Variants in GPATCH2 observed in about 807,000 individuals in gnomAD.
The protein encoded by GPATCH2 is G patch domain-containing protein 2.
Under a neutral mutation model 58.0 loss-of-function variants are expected in GPATCH2, and 51 were observed. The observed-to-expected ratio is 0.88, with a 90% CI of 0.70 to 1.11. GPATCH2 has a LOEUF of 1.11. GPATCH2 is among the 50% of genes most tolerant of loss of function. The probability of loss-of-function intolerance (pLI) is 0.00; values close to 1 mark genes in which losing one functional copy is unlikely to be tolerated. For synonymous variants in GPATCH2, 222 were observed against 218.5 expected, an observed-to-expected ratio of 1.02 and a Z score of -0.14; for missense variants, 625 against 652.2, an observed-to-expected ratio of 0.96 and a Z score of 0.45.
rs1659545190 is a variant in GPATCH2 at position 217,449,285 on chromosome 1, T to C, written c.1330A>G (p.Arg444Gly). Reference protein sequence around the residue: ...SLCTGDIKRRRKAAPLPGPTT... With the variant: ...SLCTGDIKRRGKAAPLPGPTT... The stretch of plus-strand genomic sequence containing the variant: ...GGTCCAGGCAAAGGTGCAGCTTTTC[T>C]TCTCCGTTTGATATCTCCCGTGCAT... The change falls in exon 9 of 10, where the codon AGA (arginine) becomes GGA (glycine). Residue 444 changes from arginine (R) to glycine (G), a missense_variant. Transcript: ENST00000366935. 1 of 1,610,124 alleles carries C rather than the reference T, an allele frequency of 6.2e-7. No individual in the cohort carries two copies. Among genetic ancestry groups the C allele is most frequent in the Admixed American group, 1.7e-5 (1 of 60,004 alleles).
intron 5 of GPATCH2, among the ~76,000 whole-genome samples, chr1:217,532,277 A>T (rs1442451029): frequency 6.6e-6 from 1 of 152,072 alleles, no homozygotes; most frequent in Non-Finnish European, 1.5e-5. Flanking sequence ...GAAGCTGCAT[A>T]TTAAATATTT....
chr1:217,460,116 G>T (rs933598688), intron 8 of GPATCH2, among the ~76,000 whole-genome samples: 1 of 152,000 alleles, frequency 6.6e-6, no homozygotes, highest in African/African-American at 2.4e-5. Context: ...TATATAAAAG[G>T]TATTATGCCA....
intron 5 of GPATCH2, among the ~76,000 whole-genome samples, chr1:217,593,569 C>T (rs1320248606): frequency 1.3e-5 from 2 of 151,940 alleles, no homozygotes; most frequent in African/African-American, 4.8e-5. Context: ...TTCCTAAATC[C>T]AATTCCTGCT....
chr1:217,445,420 C>T (rs990505288), intron 9 of GPATCH2, among the ~76,000 whole-genome samples: 11 of 152,142 alleles, frequency 7.2e-5, no homozygotes, highest in African/African-American at 2.7e-4. Flanking sequence ...ACCAACATTG[C>T]TAACGCCTTT....
intron 5 of GPATCH2, among the ~76,000 whole-genome samples, chr1:217,593,489 C>CTA (rs1446030202): frequency 6.6e-6 from 1 of 151,944 alleles, no homozygotes; most frequent in Non-Finnish European, 1.5e-5. Flanking sequence ...GCACTGTGAA[C>CTA]TATATATCTA....
At chr1:217,597,605 C>T (rs546569911) in intron 5 of GPATCH2, among the ~76,000 whole-genome samples, 59 of 152,238 alleles carry the variant, frequency 3.9e-4, no homozygotes, top group African/African-American at 1.4e-3. Context: ...ATTACAACTT[C>T]TACCCTATAT....
At position 217,631,051 on chromosome 1, in the gene GPATCH2, G is replaced by A. The variant is rs1015431009; in HGVS notation, c.-80C>T. On this transcript the variant is annotated 5_prime_UTR_variant, in exon 1 of 10. Coordinates refer to ENST00000366935, the MANE Select transcript of GPATCH2 (RefSeq NM_018040.5). Reference sequence around the variant, plus strand: ...TACAACAGCACCGGCGACTTCCAAAGAGCAGTTCAGCATTTTGAGATGAGC... The same window carrying A: ...TACAACAGCACCGGCGACTTCCAAAAAGCAGTTCAGCATTTTGAGATGAGC... 1.4e-4 allele frequency: 184 copies of A among 1,343,378 alleles called. No homozygotes were observed. The highest frequency in any genetic ancestry group is 1.7e-4 in the Non-Finnish European group (166 of 973,654). The allele number at this position is 1,343,378 out of a possible 1,614,324, so 83.2% of individuals were successfully genotyped here.
chr1:217,456,004 A>G (rs1033899505), intron 8 of GPATCH2, among the ~76,000 whole-genome samples: 2 of 152,032 alleles, frequency 1.3e-5, no homozygotes, highest in Admixed American at 6.5e-5. Context: ...GGGGAAGACC[A>G]TCTTCCCACT....
chr1:217,570,141 C>T (rs1370176896), intron 5 of GPATCH2, among the ~76,000 whole-genome samples: 1 of 152,008 alleles, frequency 6.6e-6, no homozygotes, highest in East Asian at 1.9e-4. Context: ...GAGACAGTCT[C>T]GCTCATGTTG....
At position 217,449,354 on chromosome 1, in the gene GPATCH2, G is replaced by C. The variant is rs769965071; in HGVS notation, c.1278-17C>G. 7.0e-7 allele frequency: 1 copy of C among 1,436,900 alleles called. No individual in the cohort carries two copies. Among genetic ancestry groups the C allele is most frequent in the Non-Finnish European group, 9.8e-7 (1 of 1,019,734 alleles). 89.0% of individuals were successfully genotyped at this position (1,436,900 alleles called of 1,614,324 possible). ...CTTGTTTGCCTACGAATAATTATCA[G>C]AAAAAACTATTAACAAAGAAGAAAA... On this transcript the variant is annotated splice_polypyrimidine_tract_variant and intron_variant, in intron 8 of 9. Transcript: ENST00000366935.
rs771238450 is a variant in GPATCH2 at position 217,610,885 on chromosome 1, T to G, written c.1018+4A>C. ...ATATCTACCAGGGAGCCAGTGCTAC[T>G]GACCTCTTCTGCTTGGGTGTGACAT... On this transcript the variant is annotated splice_donor_region_variant and intron_variant, in intron 4 of 9. Transcript: ENST00000366935. 3 of 1,601,920 alleles carry G rather than the reference T, an allele frequency of 1.9e-6. No homozygotes were observed. In the South Asian group the frequency reaches 3.3e-5, roughly 18 times the overall value.
intron 1 of GPATCH2, among the ~76,000 whole-genome samples, chr1:217,626,007 C>T (rs1230317725): frequency 6.6e-6 from 1 of 152,026 alleles, no homozygotes; most frequent in Non-Finnish European, 1.5e-5. Flanking sequence ...GGATAGAACT[C>T]AAGGATAACT....
intron 5 of GPATCH2, among the ~76,000 whole-genome samples, chr1:217,523,976 G>T (rs1394878356): frequency 7.2e-6 from 1 of 139,736 alleles, no homozygotes; most frequent in African/African-American, 2.6e-5. Flanking sequence ...CCTCCCGGAC[G>T]GGGCGGCTGG....
chr1:217,568,729 G>A (rs969607059), intron 5 of GPATCH2, among the ~76,000 whole-genome samples: 2 of 152,140 alleles, frequency 1.3e-5, no homozygotes, highest in African/African-American at 2.4e-5. Flanking sequence ...TTTGATATAG[G>A]GTCTTGTCTT....
chr1:217,432,422 C>A (rs953816524), intron 9 of GPATCH2, among the ~76,000 whole-genome samples: 4 of 151,968 alleles, frequency 2.6e-5, no homozygotes, highest in African/African-American at 9.7e-5. Flanking sequence ...TATCTGAAAT[C>A]CAAGGATGGA....
At chr1:217,628,250 T>A (rs894536685) in intron 1 of GPATCH2, among the ~76,000 whole-genome samples, 2 of 152,070 alleles carry the variant, frequency 1.3e-5, no homozygotes. Flanking sequence ...CTAAAACTTT[T>A]AGACAATCCA....
intron 5 of GPATCH2, among the ~76,000 whole-genome samples, chr1:217,559,092 A>C (rs1233961630): frequency 6.6e-6 from 1 of 152,188 alleles, no homozygotes; most frequent in Non-Finnish European, 1.5e-5. Flanking sequence ...TAATTAAACA[A>C]TTAATTAAAA....
chr1:217,512,856 T>A (rs1662921915), intron 6 of GPATCH2, among the ~76,000 whole-genome samples: 2 of 152,090 alleles, frequency 1.3e-5, no homozygotes, highest in Admixed American at 1.3e-4. Flanking sequence ...AATGAACATA[T>A]CAGCTGAGAT....
At chr1:217,500,080 T>C (rs953617036) in intron 6 of GPATCH2, among the ~76,000 whole-genome samples, 2 of 152,162 alleles carry the variant, frequency 1.3e-5, no homozygotes, top group Non-Finnish European at 2.9e-5. Flanking sequence ...TTATTATGAC[T>C]ACATGAATAC....
Sources: gnomAD v4.1 joint callset for allele counts (sites outside exome capture counted in the v4.1 genomes callset) on GRCh38, gnomAD v4.1.1 for gene constraint, MANE v1.5 for transcripts, NCBI Gene and HGNC (gene_info 2026-07-23, HGNC 2026-07-21) for gene names.